The following MDGA2 variants were observed in gnomAD, a reference collection of about 807,000 sequenced individuals.
The protein encoded by MDGA2 is MAM domain-containing glycosylphosphatidylinositol anchor protein 2.
In MDGA2, 40 loss-of-function variants were observed where a neutral mutation model predicts 117.8. The ratio of observed to expected loss-of-function variants is 0.34; its 90% CI spans 0.26 to 0.44. The LOEUF is 0.44. Ranked by LOEUF, MDGA2 falls within the 20% of genes least tolerant of loss-of-function variation. The pLI is 1.00. For synonymous variants in MDGA2, 452 were observed against 439.0 expected (o/e 1.03, Z -0.37); for missense variants, 1,123 against 1,250.6 (o/e 0.90, Z 1.54).
At chr14:46,895,491 C>T (rs1438994080) in intron 10 of MDGA2, among the ~76,000 whole-genome samples, 3 of 151,994 alleles carry the variant, frequency 2.0e-5, no homozygotes, top group Non-Finnish European at 2.9e-5. Flanking sequence ...TTTGGGAGGC[C>T]GAGGCGGGTG....
intron 1 of MDGA2, among the ~76,000 whole-genome samples, chr14:47,651,058 T>C (rs1204887195): frequency 1.3e-5 from 2 of 152,184 alleles, no homozygotes; most frequent in Non-Finnish European, 2.9e-5. Flanking sequence ...TCAGTGATGA[T>C]TTTGTGATCA....
chr14:47,479,777 A>G (rs1490775132), intron 1 of MDGA2, among the ~76,000 whole-genome samples: 1 of 152,026 alleles, frequency 6.6e-6, no homozygotes, highest in Non-Finnish European at 1.5e-5. Context: ...TCCAGATACT[A>G]ATTATTTATA....
intron 3 of MDGA2, among the ~76,000 whole-genome samples, chr14:47,155,185 C>T (rs1047572219): frequency 7.9e-5 from 12 of 152,150 alleles, no homozygotes; most frequent in African/African-American, 2.9e-4. Flanking sequence ...GAGACCTGTG[C>T]TATTGCTCAA....
chr14:47,078,958 A>G (rs1890599132), intron 6 of MDGA2, among the ~76,000 whole-genome samples: 1 of 151,890 alleles, frequency 6.6e-6, no homozygotes, highest in Non-Finnish European at 1.5e-5. Context: ...CCATGCCCCC[A>G]GTCTCTCGTA....
rs909131068 is a variant in MDGA2 at position 47,167,441 on chromosome 14, A to G, written c.596-23167T>C. Among the ~76,000 whole-genome samples the G allele has an allele frequency of 2.3e-4, 35 of 152,168 alleles. 1 individual carries two copies. The highest frequency in any genetic ancestry group is 8.2e-4 in the African/African-American group (34 of 41,436). Reference sequence around the variant, plus strand: ...TCCAAGCCAGTTGATTGTGAAAAACATAAAGCATGTGCTGACTGAGTGCAT... The same window carrying G: ...TCCAAGCCAGTTGATTGTGAAAAACGTAAAGCATGTGCTGACTGAGTGCAT... On this transcript the variant is annotated intron_variant, in intron 3 of 16. Coordinates refer to ENST00000399232, the MANE Select transcript of MDGA2 (RefSeq NM_001113498.3).
intron 2 of MDGA2, among the ~76,000 whole-genome samples, chr14:47,290,817 G>C (rs976717402): frequency 8.6e-5 from 13 of 150,938 alleles, no homozygotes; most frequent in South Asian, 2.1e-4. Context: ...CACAATATAA[G>C]AAAGTGTGAT....
chr14:47,208,396 C>T (rs541359471), intron 3 of MDGA2, among the ~76,000 whole-genome samples: 5 of 151,968 alleles, frequency 3.3e-5, no homozygotes, highest in South Asian at 2.1e-4. Context: ...TTTACTTTAC[C>T]TTCTGTGTGA....
chr14:47,429,920 G>C (rs1184956249), intron 1 of MDGA2, among the ~76,000 whole-genome samples: 2 of 149,716 alleles, frequency 1.3e-5, no homozygotes, highest in African/African-American at 4.9e-5. Flanking sequence ...TACATAATCT[G>C]AAAATTGACT....
intron 6 of MDGA2, among the ~76,000 whole-genome samples, chr14:47,084,268 G>A (rs1195599788): frequency 6.6e-6 from 1 of 151,922 alleles, no homozygotes; most frequent in East Asian, 1.9e-4. Context: ...CAAATTCTTG[G>A]AAACTGAACA....
At chr14:47,114,481 A>T (rs1382062463) in intron 5 of MDGA2, among the ~76,000 whole-genome samples, 1 of 152,166 alleles carries the variant, frequency 6.6e-6, no homozygotes, top group Non-Finnish European at 1.5e-5. Flanking sequence ...CTAAGCAAAA[A>T]AGAACAAAGC....
intron 2 of MDGA2, among the ~76,000 whole-genome samples, chr14:47,263,542 T>G (rs1484360565): frequency 6.6e-6 from 1 of 152,146 alleles, no homozygotes; most frequent in East Asian, 1.9e-4. Flanking sequence ...TGTTATAGGG[T>G]AGTACAACTG....
chr14:46,934,678 A>G (rs1884712901), intron 9 of MDGA2, among the ~76,000 whole-genome samples: 1 of 152,180 alleles, frequency 6.6e-6, no homozygotes, highest in Admixed American at 6.5e-5. Flanking sequence ...TCCTTAAGGT[A>G]TATTATATTA....
At chr14:47,081,156 A>T (rs1013724340) in intron 6 of MDGA2, among the ~76,000 whole-genome samples, 3 of 152,046 alleles carry the variant, frequency 2.0e-5, no homozygotes, top group African/African-American at 7.2e-5. Context: ...AAAATATTTA[A>T]AATAGTATTA....
intron 2 of MDGA2, among the ~76,000 whole-genome samples, chr14:47,265,093 A>G (rs1887921685): frequency 6.6e-6 from 1 of 152,200 alleles, no homozygotes. Flanking sequence ...CTATGATGAA[A>G]TATTCTCAAC....
At chr14:46,858,069 C>T (rs893252352) in intron 14 of MDGA2, among the ~76,000 whole-genome samples, 5 of 151,226 alleles carry the variant, frequency 3.3e-5, no homozygotes, top group African/African-American at 1.2e-4. Flanking sequence ...TATAAAAGTA[C>T]TTATATATAA....
intron 2 of MDGA2, among the ~76,000 whole-genome samples, chr14:47,261,185 T>C (rs1395434871): frequency 1.3e-5 from 2 of 152,140 alleles, no homozygotes; most frequent in East Asian, 1.9e-4. Flanking sequence ...CAGCACATTT[T>C]TGATGCCTCC....
intron 3 of MDGA2, among the ~76,000 whole-genome samples, chr14:47,145,051 A>T (rs760573702): frequency 6.6e-6 from 1 of 152,022 alleles, no homozygotes; most frequent in South Asian, 2.1e-4. Flanking sequence ...CCAAAATATG[A>T]TCTTGCACAG....
chr14:47,289,341 A>ACG (rs1181770677), intron 2 of MDGA2, among the ~76,000 whole-genome samples: 8 of 148,960 alleles, frequency 5.4e-5, no homozygotes, highest in African/African-American at 1.5e-4. Context: ...ACACACACGC[A>ACG]CACACTCTCA....
At chr14:47,552,118 G>A (rs1895593462) in intron 1 of MDGA2, among the ~76,000 whole-genome samples, 1 of 152,066 alleles carries the variant, frequency 6.6e-6, no homozygotes, top group African/African-American at 2.4e-5. Flanking sequence ...ATATTACCCT[G>A]CTTTTATCTC....
Sources: allele counts gnomAD v4.1 joint callset (sites outside exome capture counted in the v4.1 genomes callset), GRCh38; gene constraint gnomAD v4.1.1; transcripts MANE v1.5; gene names NCBI Gene and HGNC (gene_info 2026-07-23, HGNC 2026-07-21).